ZNRF3: variants seen among roughly 807,000 people sequenced by gnomAD.
ZNRF3 encodes the protein zinc and ring finger 3, also known as E3 ubiquitin-protein ligase ZNRF3.
ZNRF3 carries 23 observed loss-of-function variants against 72.5 expected under a neutral mutation model. That is an observed-to-expected ratio of 0.32 (90% CI 0.23 to 0.45). The LOEUF is 0.45. Among genes scored for constraint, ZNRF3 ranks in the 20% least tolerant of loss-of-function variants. The probability of loss-of-function intolerance (pLI) is 1.00; values close to 1 mark genes in which losing one functional copy is unlikely to be tolerated. For missense variants in ZNRF3, 1,169 were observed against 1,272.1 expected (o/e 0.92, Z 1.23); for synonymous variants, 610 against 545.3 (o/e 1.12, Z -1.65).
At chr22:28,980,757 T>C (rs2123822235) in intron 1 of ZNRF3, among the ~76,000 whole-genome samples, 1 of 152,288 alleles carries the variant, frequency 6.6e-6, no homozygotes, top group Admixed American at 6.5e-5. Flanking sequence ...GCCCCAGAAG[T>C]TTTTCTTGTC....
chr22:29,018,152 C>CT (rs2036469786), intron 2 of ZNRF3: 4 of 463,468 alleles, frequency 8.6e-6, no homozygotes, highest in Non-Finnish European at 1.7e-5. Flanking sequence ...GGAATTGAGA[C>CT]TTGAATCTGA....
chr22:28,982,164 T>G (rs1411562492), intron 1 of ZNRF3, among the ~76,000 whole-genome samples: 1 of 152,178 alleles, frequency 6.6e-6, no homozygotes, highest in Non-Finnish European at 1.5e-5. Context: ...CTAATAGGAC[T>G]TTCATGGACT....
intron 2 of ZNRF3, among the ~76,000 whole-genome samples, chr22:29,016,234 A>T (rs2036434731): frequency 6.6e-6 from 1 of 152,210 alleles, no homozygotes; most frequent in Non-Finnish European, 1.5e-5. Flanking sequence ...GTGTCCACTC[A>T]GCCCCTGTCA....
chr22:28,887,227 AGAGAGAGAGTGT>A (rs1188564861), intron 1 of ZNRF3, among the ~76,000 whole-genome samples: 18 of 90,784 alleles, frequency 2.0e-4, no homozygotes, highest in African/African-American at 1.1e-3. Flanking sequence ...ACGAAGAGAG[AGAGAGAGAGTGT>A]GTGTGTGTGT....
intron 2 of ZNRF3, among the ~76,000 whole-genome samples, chr22:29,007,640 T>C (rs2036278933): frequency 6.6e-6 from 1 of 150,734 alleles, no homozygotes; most frequent in African/African-American, 2.4e-5. Flanking sequence ...AGAAAACAAA[T>C]CTCTCCTATA....
rs946200631 is a variant in ZNRF3, at chr22:29,004,244, A to T, written c.426+17043A>T. Among the ~76,000 whole-genome samples the T allele has an allele frequency of 3.9e-5, 6 of 152,362 alleles. No homozygotes were observed. The East Asian group carries it at 1.2e-3, about 29-fold the overall frequency. On this transcript the variant is annotated intron_variant, in intron 2 of 8. Transcript: ENST00000544604. Reference sequence around the variant, plus strand: ...GATTCAGTCTGACCCAAGAGAAAATATACCATCAGCAAGTGGAGGATCTTT... The same window carrying T: ...GATTCAGTCTGACCCAAGAGAAAATTTACCATCAGCAAGTGGAGGATCTTT...
chr22:29,006,169 A>G (rs952381945), intron 2 of ZNRF3, among the ~76,000 whole-genome samples: 6 of 146,268 alleles, frequency 4.1e-5, no homozygotes, highest in African/African-American at 1.3e-4. Context: ...GAAATTGGAC[A>G]TTTCTCCAGT....
chr22:28,930,065 C>T (rs1441200399), intron 1 of ZNRF3, among the ~76,000 whole-genome samples: 3 of 152,058 alleles, frequency 2.0e-5, no homozygotes, highest in Non-Finnish European at 4.4e-5. Flanking sequence ...TACGTATAAA[C>T]ACTTGTAAAG....
At position 29,044,904 on chromosome 22, in the gene ZNRF3, G is replaced by T. The variant is rs542890261; in HGVS notation, c.744+14G>T. ...CGACGCAGTCAGGTAGTGCCTCTGT[G>T]TGTAGCCCGTGAGCAGTAACCCCTC... On this transcript the variant is annotated intron_variant, in intron 5 of 8. Transcript: ENST00000544604. 6.3e-7 allele frequency: 1 copy of T among 1,583,902 alleles called. No individual in the cohort carries two copies. The highest frequency in any genetic ancestry group is 8.7e-7 in the Non-Finnish European group (1 of 1,152,670).
chr22:28,990,217 C>T (rs1258934984), intron 2 of ZNRF3, among the ~76,000 whole-genome samples: 1 of 152,172 alleles, frequency 6.6e-6, no homozygotes, highest in Non-Finnish European at 1.5e-5. Context: ...GTTGTGGGTT[C>T]CTTGTTCTTC....
chr22:28,936,596 TTGG>T (rs1239449785), intron 1 of ZNRF3, among the ~76,000 whole-genome samples: 2 of 152,062 alleles, frequency 1.3e-5, no homozygotes, highest in Non-Finnish European at 2.9e-5. Context: ...GAGTAGCTAC[TTGG>T]TGGTGGGTGG....
intron 4 of ZNRF3, 30 bp downstream of exon 4, chr22:29,043,460 C>T (rs1320854594): frequency 9.9e-6 from 16 of 1,610,644 alleles, no homozygotes; most frequent in Middle Eastern, 2.1e-4. Flanking sequence ...GGCACAGGCT[C>T]GGGGCCTTCT....
Position 29,053,877 on chromosome 22 carries a change from T to A in ZNRF3, c.*255T>A, listed in dbSNP as rs73882449. ...TAACATGTTGTTCTGTTTTGTAAAG[T>A]GTGTGTGCTTGGGGTTCCGAGGTGT... On this transcript the variant is annotated 3_prime_UTR_variant, in exon 9 of 9. Coordinates refer to ENST00000544604, the MANE Select transcript of ZNRF3 (RefSeq NM_001206998.2). 2,715 of 359,570 alleles carry A rather than the reference T, an allele frequency of 7.6e-3. 79 individuals carry two copies. The highest frequency in any genetic ancestry group is 0.053 in the African/African-American group (2,541 of 48,188). 22.3% of individuals were successfully genotyped at this position (359,570 alleles called of 1,614,324 possible).
At chr22:28,992,984 CA>C (rs1431839564) in intron 2 of ZNRF3, 11 of 152,300 alleles carry the variant, frequency 7.2e-5, no homozygotes, top group African/African-American at 2.4e-4. Context: ...CAGAACAGGG[CA>C]GAAGAAAAGG....
At chr22:28,988,605 A>T (rs2035898098) in intron 2 of ZNRF3, among the ~76,000 whole-genome samples, 2 of 152,178 alleles carry the variant, frequency 1.3e-5, no homozygotes, top group South Asian at 2.1e-4. Context: ...TCAGGCCCTG[A>T]TACTTCATCA....
rs750400803 is a variant in ZNRF3 at position 29,050,398 on chromosome 22, C to T, written c.2217C>T (p.Leu739=). 1.9e-6 allele frequency: 3 copies of T among 1,605,748 alleles called. No individual in the cohort carries two copies. The highest frequency in any genetic ancestry group is 2.6e-6 in the Non-Finnish European group (3 of 1,175,236). The change falls in exon 8 of 9, where the codon CTC becomes CTT. Residue 739 remains leucine, a synonymous_variant. Transcript: ENST00000544604. ...GSSTLFLGPH[L]YEGSGPAGGE... Reference sequence around the variant, plus strand: ...GCACCTTGTTCCTGGGGCCCCACCTCTACGAGGGCTCTGGCCCGGCGGGTG... The same window carrying T: ...GCACCTTGTTCCTGGGGCCCCACCTTTACGAGGGCTCTGGCCCGGCGGGTG...
chr22:28,914,489 A>T (rs374887794), intron 1 of ZNRF3, among the ~76,000 whole-genome samples: 72 of 139,970 alleles, frequency 5.1e-4, no homozygotes, highest in African/African-American at 1.7e-3. Context: ...GACTGTTGAC[A>T]TAGAGCTTTT....
At chr22:28,918,429 C>T (rs1037056237) in intron 1 of ZNRF3, among the ~76,000 whole-genome samples, 2 of 152,112 alleles carry the variant, frequency 1.3e-5, no homozygotes, top group Non-Finnish European at 1.5e-5. Flanking sequence ...CTGAGTGGTT[C>T]TCCTCACATA....
In ZNRF3 at chr22:29,043,428, C is replaced by A. The variant is rs375005262; in HGVS notation, c.631C>A (p.Arg211=). Residue 211 remains arginine (R), a splice_region_variant and synonymous_variant, in exon 4 of 9, where the codon CGA becomes AGA. Coordinates refer to ENST00000544604, the MANE Select transcript of ZNRF3 (RefSeq NM_001206998.2). ...AGCAAGGATCCAGCACCGCCCTCCT[C>A]GAGTGAGCCTCCGCACCATTTGGCA... The part of the protein sequence containing the change: ...ARARIQHRPP[R]QPTEYFDMGI... 5 of 1,613,174 alleles carry A rather than the reference C, an allele frequency of 3.1e-6. No individual in the cohort carries two copies. In the African/African-American group the frequency reaches 6.7e-5, roughly 22 times the overall value.
Sources: gnomAD v4.1 joint callset for allele counts (sites outside exome capture counted in the v4.1 genomes callset) on GRCh38, gnomAD v4.1.1 for gene constraint, MANE v1.5 for transcripts, NCBI Gene and HGNC (gene_info 2026-07-23, HGNC 2026-07-21) for gene names.